Variants in CDK6 observed in about 807,000 individuals in gnomAD.
CDK6 encodes the protein cyclin-dependent kinase 6.
A neutral mutation model predicts 37.1 loss-of-function variants in CDK6; 6 were observed. The observed-to-expected ratio is 0.16, with a 90% CI of 0.09 to 0.32. The LOEUF (loss-of-function observed/expected upper bound fraction) is 0.32. Among genes scored for constraint, CDK6 ranks in the 10% least tolerant of loss-of-function variants. The pLI is 1.00. For missense variants in CDK6, 224 were observed against 418.9 expected (o/e 0.53, Z 4.06); for synonymous variants, 160 against 161.3 (o/e 0.99, Z 0.06).
At chr7:92,836,427 C>G (rs1407441353) in intron 1 of CDK6, 51 bp downstream of exon 1, 1 of 151,324 alleles carries the variant, frequency 6.6e-6, no homozygotes, top group Non-Finnish European at 1.5e-5. Flanking sequence ...CCAGATCTCC[C>G]CCGGGACCCC....
intron 2 of CDK6, among the ~76,000 whole-genome samples, chr7:92,793,379 T>A (rs1433042025): frequency 6.6e-6 from 1 of 152,288 alleles, no homozygotes; most frequent in East Asian, 1.9e-4. Context: ...CCTAAGACAG[T>A]ATGGTACTGG....
chr7:92,632,823 T>C (rs1796083231), intron 5 of CDK6, among the ~76,000 whole-genome samples: 2 of 151,986 alleles, frequency 1.3e-5, no homozygotes, highest in African/African-American at 4.8e-5. Context: ...TATATACGCA[T>C]TGTGGAAAAT....
At chr7:92,713,406 T>G (rs1375670333) in intron 4 of CDK6, among the ~76,000 whole-genome samples, 1 of 152,206 alleles carries the variant, frequency 6.6e-6, no homozygotes, top group Non-Finnish European at 1.5e-5. Flanking sequence ...TATTTGATTT[T>G]TAAAACATTT....
chr7:92,783,089 A>G (rs950334501), intron 2 of CDK6, among the ~76,000 whole-genome samples: 1 of 152,168 alleles, frequency 6.6e-6, no homozygotes, highest in East Asian at 1.9e-4. Context: ...TTCCTCTCAG[A>G]CCCTACTTGA....
chr7:92,724,730 T>A (rs1798468409), intron 4 of CDK6, among the ~76,000 whole-genome samples: 1 of 152,204 alleles, frequency 6.6e-6, no homozygotes, highest in Non-Finnish European at 1.5e-5. Flanking sequence ...CGGATTATTT[T>A]TTTTTATTTC....
At chr7:92,723,526 G>T (rs910186952) in intron 4 of CDK6, among the ~76,000 whole-genome samples, 1 of 152,124 alleles carries the variant, frequency 6.6e-6, no homozygotes, top group African/African-American at 2.4e-5. Context: ...ATGTCACCAT[G>T]TGTATATAAA....
intron 2 of CDK6, among the ~76,000 whole-genome samples, chr7:92,780,601 A>C (rs1299983085): frequency 6.6e-6 from 1 of 151,976 alleles, no homozygotes; most frequent in Non-Finnish European, 1.5e-5. Flanking sequence ...TCTATTAAAA[A>C]TACAAAAAAA....
chr7:92,747,101 A>G (rs1395149888), intron 3 of CDK6, among the ~76,000 whole-genome samples: 1 of 152,136 alleles, frequency 6.6e-6, no homozygotes, highest in East Asian at 1.9e-4. Flanking sequence ...ATACCTTCCT[A>G]TTCCAGGCCA....
intron 3 of CDK6, among the ~76,000 whole-genome samples, chr7:92,733,517 T>TTC (rs1482498470): frequency 6.6e-6 from 1 of 152,244 alleles, no homozygotes; most frequent in South Asian, 2.1e-4. Context: ...AACTGTCTTT[T>TTC]TCACATCATG....
intron 4 of CDK6, among the ~76,000 whole-genome samples, chr7:92,683,835 AAGG>A: frequency 6.6e-6 from 1 of 152,344 alleles, no homozygotes. Context: ...GCAAACAGAA[AAGG>A]AGGACACATC....
At chr7:92,753,830 T>G (rs1799247908) in intron 3 of CDK6, among the ~76,000 whole-genome samples, 1 of 152,188 alleles carries the variant, frequency 6.6e-6, no homozygotes. Context: ...GGAGGACCCC[T>G]TTGTTGCTGC....
Position 92,725,911 on chromosome 7 carries a change from C to T in CDK6, c.370-118G>A, listed in dbSNP as rs3731314. ...TGCTTGGCATGCGGCAGGCATTTGA[C>T]AGGTATTGGCTGAATGAGTGAATTG... On this transcript the variant is annotated intron_variant, in intron 3 of 7. Coordinates refer to ENST00000424848, the MANE Select transcript of CDK6 (RefSeq NM_001145306.2). The T allele has an allele frequency of 0.11, 90,944 of 805,954 alleles. 7,104 individuals carry two copies. The highest frequency in any genetic ancestry group is 0.31 in the African/African-American group (17,706 of 57,874). 49.9% of individuals were successfully genotyped at this position (805,954 alleles called of 1,614,324 possible).
intron 4 of CDK6, among the ~76,000 whole-genome samples, chr7:92,688,581 TCACACACACACACACACACA>T (rs35953301): frequency 9.4e-5 from 12 of 127,578 alleles, no homozygotes; most frequent in Middle Eastern, 4.1e-3. Flanking sequence ...TACATATACA[TCACACACACACACACACACA>T]CACACACACA....
Position 92,671,427 on chromosome 7 carries a change from T to C in CDK6, c.646A>G (p.Lys216Glu). The C allele has an allele frequency of 1.3e-6, 2 of 1,540,096 alleles. No homozygotes were observed. Among genetic ancestry groups the C allele is most frequent in the Non-Finnish European group, 1.8e-6 (2 of 1,141,366 alleles). ...GCIFAEMFRR[K>E]PLFRGSSDVD... is the part of the protein sequence containing the mutation. Reference sequence around the variant, plus strand: ...AGTGAAACAAAATGTATTTCTTACTTTCTACGAAACATTTCTGCAAATATG... The same window carrying C: ...AGTGAAACAAAATGTATTTCTTACTCTCTACGAAACATTTCTGCAAATATG... Residue 216 changes from lysine to glutamate, a missense_variant and splice_region_variant, in exon 5 of 8, where the codon AAG (lysine) becomes GAG (glutamate). Transcript: ENST00000424848.
At chr7:92,780,998 G>A (rs2115815118) in intron 2 of CDK6, among the ~76,000 whole-genome samples, 1 of 152,134 alleles carries the variant, frequency 6.6e-6, no homozygotes, top group Non-Finnish European at 1.5e-5. Context: ...ACAATGTATT[G>A]AATATGAACA....
chr7:92,619,251 T>C (rs1269599779), intron 6 of CDK6, among the ~76,000 whole-genome samples: 2 of 152,198 alleles, frequency 1.3e-5, no homozygotes, highest in Non-Finnish European at 2.9e-5. Context: ...CTTGTATCTA[T>C]GTATAACTTA....
At chr7:92,652,470 G>A (rs1796598370) in intron 5 of CDK6, among the ~76,000 whole-genome samples, 1 of 152,020 alleles carries the variant, frequency 6.6e-6, no homozygotes, top group Non-Finnish European at 1.5e-5. Context: ...CAAAGGTAGG[G>A]TAAAATGAAA....
At chr7:92,710,373 A>G (rs937228895) in intron 4 of CDK6, among the ~76,000 whole-genome samples, 6 of 152,214 alleles carry the variant, frequency 3.9e-5, no homozygotes, top group African/African-American at 1.2e-4. Context: ...ATGTGATATA[A>G]TGCTTTTGAA....
At chr7:92,707,636 G>A (rs1160622731) in intron 4 of CDK6, among the ~76,000 whole-genome samples, 1 of 152,202 alleles carries the variant, frequency 6.6e-6, no homozygotes, top group Non-Finnish European at 1.5e-5. Flanking sequence ...TTATTCTCTT[G>A]GAAGGGTGTG....
Sources: allele counts gnomAD v4.1 joint callset (sites outside exome capture counted in the v4.1 genomes callset), GRCh38; gene constraint gnomAD v4.1.1; transcripts MANE v1.5; gene names NCBI Gene and HGNC (gene_info 2026-07-23, HGNC 2026-07-21).